Variants in LRRC41 observed in about 807,000 individuals in gnomAD.
LRRC41 encodes the protein leucine-rich repeat-containing protein 41.
In LRRC41, 17 loss-of-function variants were observed where a neutral mutation model predicts 72.1. The observed-to-expected ratio is 0.24, with a 90% CI of 0.16 to 0.35. LRRC41 has a LOEUF of 0.35. LRRC41 is among the 10% of genes least tolerant of loss of function. The probability of loss-of-function intolerance (pLI) is 1.00; values close to 1 mark genes in which losing one functional copy is unlikely to be tolerated. For synonymous variants in LRRC41, 427 were observed against 431.0 expected, an observed-to-expected ratio of 0.99 and a Z score of 0.11; for missense variants, 759 against 1,065.0, an observed-to-expected ratio of 0.71 and a Z score of 4.00.
rs770150601 is a variant in LRRC41, at chr1:46,279,496, G to C, written c.2139C>G (p.Arg713=). Residue 713 remains arginine, a synonymous_variant, in exon 8 of 10, where the codon CGC becomes CGG. Coordinates refer to ENST00000617190, the MANE Select transcript of LRRC41 (RefSeq NM_006369.5). This position sits in a 1 kb window ranked among gnomAD's most constrained non-coding sequence, Gnocchi z 4.5. The part of the protein sequence containing the change: ...TLKGLRLPGN[R]LGNAGLLALA... ...TCCCCAGGGTCTGGCCCCCACCCAG[G>C]CGGTTCCCTGGCAGCCGGAGGCCCT... 1.2e-6 allele frequency: 2 copies of C among 1,614,194 alleles called. No individual in the cohort carries two copies. The highest frequency in any genetic ancestry group is 1.7e-6 in the Non-Finnish European group (2 of 1,180,034).
rs1660686754 is a variant in LRRC41, at chr1:46,278,321, A to T, written c.*544T>A. On this transcript the variant is annotated 3_prime_UTR_variant, in exon 10 of 10. Transcript: ENST00000617190. ...TGGGTGTAGCTCTTAGAGGAAGGAG[A>T]TAGGGAAAAGGGGCTCCTTGCTCCA... 1.3e-6 allele frequency: 2 copies of T among 1,569,080 alleles called. No individual in the cohort carries two copies. Among genetic ancestry groups the T allele is most frequent in the African/African-American group, 1.4e-5 (1 of 73,974 alleles).
chr1:46,300,004 G>A (rs1203731237), intron 1 of LRRC41: 1 of 152,180 alleles, frequency 6.6e-6, no homozygotes, highest in Non-Finnish European at 1.5e-5. Flanking sequence ...CTAAATGTTG[G>A]TGGTTATTTT....
Position 46,285,824 on chromosome 1 carries a change from G to C in LRRC41, c.1033C>G (p.Pro345Ala). The C allele has an allele frequency of 6.3e-7, 1 of 1,595,248 alleles. No individual in the cohort carries two copies. Among genetic ancestry groups the C allele is most frequent in the Non-Finnish European group, 8.5e-7 (1 of 1,172,056 alleles). Residue 345 changes from proline to alanine, a missense_variant, in exon 4 of 10, where the codon CCA becomes GCA. This residue lies in a region of LRRC41 where 427 missense variants were observed against 520.9 expected (regional missense o/e 0.82). Coordinates refer to ENST00000617190, the MANE Select transcript of LRRC41 (RefSeq NM_006369.5). This position sits in a 1 kb window ranked among gnomAD's most constrained non-coding sequence, Gnocchi z 5.3. ...GTDLKRELHP[P>A]ATSHEAPGTK... Reference sequence around the variant, plus strand: ...CCAGGAGCCTCATGGGAGGTGGCTGGGGGGTGCAGCTCCCTCTTAAGGTCT... The same window carrying C: ...CCAGGAGCCTCATGGGAGGTGGCTGCGGGGTGCAGCTCCCTCTTAAGGTCT...
chr1:46,291,487 A>G (rs1299868725), intron 3 of LRRC41, among the ~76,000 whole-genome samples: 1 of 150,648 alleles, frequency 6.6e-6, no homozygotes, highest in Non-Finnish European at 1.5e-5. Flanking sequence ...GACGCATGCC[A>G]CTATGCACAG....
chr1:46,303,253 C>G lies in LRRC41; in HGVS notation c.70G>C (p.Glu24Gln). Residue 24 changes from glutamate to glutamine, a missense_variant, in exon 1 of 10, where the codon GAG becomes CAG. Physicochemically the swap from Glu to Gln is conservative, Grantham distance 29. Around this residue, in one of 4 missense-constraint regions of LRRC41, gnomAD observed 106 missense variants for 66.1 expected, o/e 1.60. Transcript: ENST00000617190. ...GGCGCCGCCTCCCGGGACGTGGCCT[C>G]CATGGTCGTTGCCGCCGCTACCTCA... ...FCEVAAATTM[E>Q]ATSREAAPAK... 3 of 1,549,814 alleles carry G rather than the reference C, an allele frequency of 1.9e-6. No individual in the cohort carries two copies. The highest frequency in any genetic ancestry group is 2.6e-6 in the Non-Finnish European group (3 of 1,148,936).
intron 3 of LRRC41, among the ~76,000 whole-genome samples, chr1:46,287,453 C>T (rs867631732): frequency 1.3e-5 from 2 of 152,148 alleles, no homozygotes; most frequent in Admixed American, 1.3e-4. Context: ...TCACCTCACA[C>T]CTGACCACTA....
chr1:46,284,995 C>CT lies in LRRC41; in HGVS notation c.1495+366dup, dbSNP rs1274507438. ...TGTGTCCCACACCTTGTCTGGACAG[C>CT]TACTCTGATATGACTGGTGAGGTGG... On this transcript the variant is annotated intron_variant, in intron 4 of 9. Coordinates refer to ENST00000617190, the MANE Select transcript of LRRC41 (RefSeq NM_006369.5). The CT allele has an allele frequency of 2.2e-5, 5 of 222,240 alleles. No individual in the cohort carries two copies. In the East Asian group the frequency reaches 4.9e-4, roughly 22 times the overall value. The allele number at this position is 222,240 out of a possible 1,614,324, so 13.8% of individuals were successfully genotyped here.
chr1:46,285,938 T>TA lies in LRRC41; in HGVS notation c.918dup (p.Lys307Ter). On this transcript the variant is annotated frameshift_variant, in exon 4 of 10. Coordinates refer to ENST00000617190, the MANE Select transcript of LRRC41 (RefSeq NM_006369.5). LOFTEE classifies it high-confidence loss of function. The surrounding 1 kb of genome is among the most constrained non-coding windows in gnomAD (Gnocchi z 5.3). ...CTGGGCATCTGCTTGGCTTCACTCT[T>TA]ACGCCGGCTGGCCATCAGGGCTGCA... 1.3e-6 allele frequency: 2 copies of TA among 1,535,318 alleles called. No homozygotes were observed. Among genetic ancestry groups the TA allele is most frequent in the Non-Finnish European group, 8.8e-7 (1 of 1,142,384 alleles).
intron 5 of LRRC41, 50 bp downstream of exon 5, chr1:46,281,071 TTGTG>T (rs1323371114): frequency 6.9e-6 from 11 of 1,596,528 alleles, no homozygotes; most frequent in African/African-American, 2.7e-5. Flanking sequence ...ATCTGCACCT[TTGTG>T]TGGGGATACA....
In LRRC41 at chr1:46,278,425, T is replaced by G. The variant is rs1660689751; in HGVS notation, c.*440A>C. 3 of 998,170 alleles carry G rather than the reference T, an allele frequency of 3.0e-6. No homozygotes were observed. 61.8% of individuals were successfully genotyped at this position (998,170 alleles called of 1,614,324 possible). A position where few individuals can be genotyped will look rare whatever the true frequency, so the allele number is the denominator to read the frequency against. On this transcript the variant is annotated 3_prime_UTR_variant, in exon 10 of 10. Coordinates refer to ENST00000617190, the MANE Select transcript of LRRC41 (RefSeq NM_006369.5). Reference sequence around the variant, plus strand: ...TGATGTTTGCCCAAAATTTATTTTATAAGAAAAACTTTTTTGGTTAAAAAA... The same window carrying G: ...TGATGTTTGCCCAAAATTTATTTTAGAAGAAAAACTTTTTTGGTTAAAAAA...
At chr1:46,289,019 TA>T (rs1270687808) in intron 3 of LRRC41, among the ~76,000 whole-genome samples, 1 of 152,236 alleles carries the variant, frequency 6.6e-6, no homozygotes, top group Non-Finnish European at 1.5e-5. Context: ...TATCTGTGCC[TA>T]AAATATGGAC....
Position 46,285,159 on chromosome 1 carries a change from C to G in LRRC41, c.1495+203G>C. The G allele has an allele frequency of 1.7e-6, 1 of 602,416 alleles. No homozygotes were observed. The allele number at this position is 602,416 out of a possible 1,614,324, so 37.3% of individuals were successfully genotyped here. On this transcript the variant is annotated intron_variant, in intron 4 of 9. Transcript: ENST00000617190. The surrounding 1 kb of genome is among the most constrained non-coding windows in gnomAD (Gnocchi z 5.3). Reference sequence around the variant, plus strand: ...TCTCACTGCCCCTCAGGAACCCCTGCTTTCAACAACTAATCAAGTGTATAG... The same window carrying G: ...TCTCACTGCCCCTCAGGAACCCCTGGTTTCAACAACTAATCAAGTGTATAG...
At chr1:46,296,516 T>A (rs1456485777) in intron 3 of LRRC41, among the ~76,000 whole-genome samples, 1 of 152,224 alleles carries the variant, frequency 6.6e-6, no homozygotes, top group African/African-American at 2.4e-5. Flanking sequence ...ATCTGGTACC[T>A]GGTTAAGTTT....
At chr1:46,293,731 G>A (rs1031804683) in intron 3 of LRRC41, among the ~76,000 whole-genome samples, 1 of 151,638 alleles carries the variant, frequency 6.6e-6, no homozygotes, top group Non-Finnish European at 1.5e-5. Flanking sequence ...CACCACGCCC[G>A]GCTAATTTTT....
Position 46,278,164 on chromosome 1 carries a change from G to A in LRRC41, c.*701C>T, listed in dbSNP as rs1287557291. The A allele has an allele frequency of 2.3e-5, 37 of 1,613,688 alleles. No homozygotes were observed. Among genetic ancestry groups the A allele is most frequent in the Non-Finnish European group, 3.1e-5 (37 of 1,179,894 alleles). On this transcript the variant is annotated 3_prime_UTR_variant, in exon 10 of 10. Coordinates refer to ENST00000617190, the MANE Select transcript of LRRC41 (RefSeq NM_006369.5). ...TCAGACCTGGCAGGGTGGAACCACT[G>A]CACTGATAAGTGGGGGCTCCGGGAT... is the stretch of plus-strand genomic sequence containing the variant.
intron 4 of LRRC41, among the ~76,000 whole-genome samples, chr1:46,283,007 A>G (rs1660810792): frequency 6.6e-6 from 1 of 151,320 alleles, no homozygotes; most frequent in South Asian, 2.1e-4. Context: ...CTGGGTGACA[A>G]CAGAGACTCC....
intron 4 of LRRC41, among the ~76,000 whole-genome samples, chr1:46,283,914 T>C (rs527909927): frequency 6.6e-6 from 1 of 152,278 alleles, no homozygotes; most frequent in East Asian, 1.9e-4. Flanking sequence ...TCCACCCACC[T>C]TGACCTCCCA....
Position 46,303,354 on chromosome 1 carries a change from C to A in LRRC41, c.-32G>T. The A allele has an allele frequency of 6.8e-7, 1 of 1,472,020 alleles. No homozygotes were observed. The highest frequency in any genetic ancestry group is 9.0e-7 in the Non-Finnish European group (1 of 1,113,636). 91.2% of individuals were successfully genotyped at this position (1,472,020 alleles called of 1,614,324 possible). On this transcript the variant is annotated 5_prime_UTR_variant, in exon 1 of 10. Coordinates refer to ENST00000617190, the MANE Select transcript of LRRC41 (RefSeq NM_006369.5). ...GAGGTGCGCGAGCCCGAGAGTGTCG[C>A]CCGCGGACCGCCATCTTGAAAAGGT...
chr1:46,300,268 GT>G (rs1451715282), intron 1 of LRRC41: 1 of 152,048 alleles, frequency 6.6e-6, no homozygotes, highest in East Asian at 1.9e-4. Flanking sequence ...GAAGACAGAG[GT>G]GGCAGTGAGC....
Sources: gnomAD v4.1 joint callset for allele counts (sites outside exome capture counted in the v4.1 genomes callset) on GRCh38, gnomAD v4.1.1 for gene constraint, gnomAD v4.1.1 regional missense constraint, Gnocchi (gnomAD v3.1) non-coding constraint, MANE v1.5 for transcripts, NCBI Gene and HGNC (gene_info 2026-07-23, HGNC 2026-07-21) for gene names.